The following TRIB3 variants were observed in gnomAD, a reference collection of about 807,000 sequenced individuals.
TRIB3 encodes the protein tribbles pseudokinase 3, also known as tribbles homolog 3.
TRIB3 carries 20 observed loss-of-function variants against 16.6 expected under a neutral mutation model. The observed-to-expected ratio is 1.20, with a 90% confidence interval of 0.85 to 1.75. The LOEUF is 1.75. Ranked by LOEUF, TRIB3 falls within the 40% of genes most tolerant of loss-of-function variation. The pLI is 0.00. For missense variants in TRIB3, 484 were observed against 488.9 expected (o/e 0.99, Z 0.10); for synonymous variants, 208 against 217.0 (o/e 0.96, Z 0.36).
intron 2 of TRIB3, 129 bp from the exon 3 acceptor site, chr20:391,158 C>T (rs567302970): frequency 2.7e-4 from 274 of 1,029,440 alleles, no homozygotes; most frequent in African/African-American, 2.1e-3. Context: ...CTGAGTGACT[C>T]GGTCAGTGAA....
In TRIB3 at chr20:396,409, C is replaced by G; in HGVS notation, c.796C>G (p.Pro266Ala). The G allele has an allele frequency of 6.2e-7, 1 of 1,613,220 alleles. No individual in the cohort carries two copies. Among genetic ancestry groups the G allele is most frequent in the Non-Finnish European group, 8.5e-7 (1 of 1,180,038 alleles). The change falls in exon 4 of 4, where the codon CCT (proline) becomes GCT (alanine). Residue 266 changes from proline (P) to alanine (A), a missense_variant. Physicochemically the swap from Pro to Ala is conservative, Grantham distance 27 (BLOSUM62 -1). Coordinates refer to ENST00000217233, the MANE Select transcript of TRIB3 (RefSeq NM_021158.5). ...AGHYPFQDSE[P>A]VLLFGKIRRG... Reference sequence around the variant, plus strand: ...CCACTACCCCTTCCAGGACTCGGAGCCTGTCCTGCTCTTCGGCAAGATCCG... The same window carrying G: ...CCACTACCCCTTCCAGGACTCGGAGGCTGTCCTGCTCTTCGGCAAGATCCG...
intron 2 of TRIB3, 29 bp downstream of exon 2, chr20:388,330 G>C: frequency 6.3e-6 from 10 of 1,576,784 alleles, no homozygotes; most frequent in Non-Finnish European, 8.6e-6. Flanking sequence ...CTGTCCCCCA[G>C]CACCACAGGA....
At chr20:392,851 C>T (rs930203678) in intron 3 of TRIB3, among the ~76,000 whole-genome samples, 2 of 152,058 alleles carry the variant, frequency 1.3e-5, no homozygotes, top group Non-Finnish European at 2.9e-5. Flanking sequence ...AGGTACTGCA[C>T]CCAGCCTAGA....
chr20:391,263 G>A, intron 2 of TRIB3, 24 bp from the exon 3 acceptor site: 1 of 1,605,914 alleles, frequency 6.2e-7, no homozygotes, highest in Non-Finnish European at 8.5e-7. Flanking sequence ...CCCCAGCTGT[G>A]CTAACACCAT....
chr20:393,113 C>G (rs2015025177), intron 3 of TRIB3, among the ~76,000 whole-genome samples: 1 of 95,280 alleles, frequency 1.0e-5, no homozygotes, highest in Non-Finnish European at 2.1e-5. Context: ...TATCCTTTAA[C>G]CAGTGCTCTC....
At chr20:390,907 C>T (rs1328866906) in intron 2 of TRIB3, among the ~76,000 whole-genome samples, 3 of 144,476 alleles carry the variant, frequency 2.1e-5, no homozygotes, top group East Asian at 2.1e-4. Context: ...GGGGCTGAAG[C>T]GGGAGAATCA....
chr20:392,874 T>A (rs901257877), intron 3 of TRIB3, among the ~76,000 whole-genome samples: 1 of 151,636 alleles, frequency 6.6e-6, no homozygotes, highest in African/African-American at 2.4e-5. Flanking sequence ...CTAAGAAAAA[T>A]TTTTAAAAGA....
chr20:391,206 T>A lies in TRIB3; in HGVS notation c.292-81T>A, dbSNP rs1004636432. On this transcript the variant is annotated intron_variant, in intron 2 of 3. Transcript: ENST00000217233. Reference sequence around the variant, plus strand: ...ATGCCTAGCACATGGTAGTGTCTAATAGGTCAGCTGTGACTGTTTGCAATG... The same window carrying A: ...ATGCCTAGCACATGGTAGTGTCTAAAAGGTCAGCTGTGACTGTTTGCAATG... The A allele has an allele frequency of 2.8e-5, 41 of 1,475,206 alleles. No homozygotes were observed. In the African/African-American group the frequency reaches 5.7e-4, roughly 20 times the overall value. 91.4% of individuals were successfully genotyped at this position (1,475,206 alleles called of 1,614,324 possible).
At chr20:395,481 C>T (rs563128778) in intron 3 of TRIB3, among the ~76,000 whole-genome samples, 3 of 151,680 alleles carry the variant, frequency 2.0e-5, no homozygotes, top group South Asian at 4.2e-4. Context: ...TTTTTTTTGC[C>T]CTGCTTACCT....
In TRIB3 at chr20:387,997, C is replaced by T. The variant is rs773413232; in HGVS notation, c.1-14C>T. 3.1e-6 allele frequency: 5 copies of T among 1,606,374 alleles called. No individual in the cohort carries two copies. In the Admixed American group the frequency reaches 5.0e-5, roughly 16 times the overall value. On this transcript the variant is annotated splice_polypyrimidine_tract_variant and intron_variant, in intron 1 of 3. Transcript: ENST00000217233. ...AGCAGTCTCACTTTAGTGCTTTTCT[C>T]TCCTTTTTACCAGATGCGAGCCACC...
intron 2 of TRIB3, among the ~76,000 whole-genome samples, chr20:390,750 C>G (rs747877866): frequency 1.7e-4 from 26 of 152,238 alleles, no homozygotes; most frequent in Non-Finnish European, 2.9e-4. Context: ...ACCTGTAATC[C>G]CAGCCCTTTG....
chr20:384,994 A>C (rs2014759489), intron 1 of TRIB3, among the ~76,000 whole-genome samples: 1 of 152,216 alleles, frequency 6.6e-6, no homozygotes, highest in South Asian at 2.1e-4. Context: ...TGAAAATCTC[A>C]GGTTCTAATC....
At chr20:382,549 G>C (rs143331231) in intron 1 of TRIB3, 2 of 1,535,678 alleles carry the variant, frequency 1.3e-6, no homozygotes, top group Non-Finnish European at 8.7e-7. Flanking sequence ...CCCAAGGATG[G>C]TACTTATGCA....
intron 2 of TRIB3, among the ~76,000 whole-genome samples, chr20:391,014 A>G (rs2122690914): frequency 6.6e-6 from 1 of 151,670 alleles, no homozygotes; most frequent in African/African-American, 2.4e-5. Context: ...AAAAAAAAAA[A>G]AAAAAAAAAA....
chr20:386,274 AC>A (rs569270524), intron 1 of TRIB3, among the ~76,000 whole-genome samples: 168 of 152,278 alleles, frequency 1.1e-3, no homozygotes, highest in African/African-American at 3.7e-3. Flanking sequence ...AAGTGAATGA[AC>A]AAGATCATAT....
At chr20:393,880 A>G (rs2015046272) in intron 3 of TRIB3, among the ~76,000 whole-genome samples, 1 of 152,150 alleles carries the variant, frequency 6.6e-6, no homozygotes, top group Non-Finnish European at 1.5e-5. Context: ...GTAATTGACA[A>G]ATACCTTGGG....
chr20:389,105 G>C (rs185345422), intron 2 of TRIB3, among the ~76,000 whole-genome samples: 5 of 152,312 alleles, frequency 3.3e-5, no homozygotes, highest in African/African-American at 9.6e-5. Context: ...TGTAACAATA[G>C]GTATTCACTG....
Position 391,410 on chromosome 20 carries a change from C to T in TRIB3, c.415C>T (p.Arg139Trp), listed in dbSNP as rs771624931. The stretch of plus-strand genomic sequence containing the variant: ...CCAGCTCCTCTACGCCTTTTTCACT[C>T]GGACCCATGGGGACATGCACAGCCT... ...GTQLLYAFFT[R>W]THGDMHSLVR... The change falls in exon 3 of 4, where the codon CGG becomes TGG. Residue 139 changes from arginine (R) to tryptophan (W), a missense_variant. Coordinates refer to ENST00000217233, the MANE Select transcript of TRIB3 (RefSeq NM_021158.5). 27 of 1,613,752 alleles carry T rather than the reference C, an allele frequency of 1.7e-5. 1 individual carries two copies. In the South Asian group the frequency reaches 2.3e-4, roughly 14 times the overall value.
intron 1 of TRIB3, among the ~76,000 whole-genome samples, chr20:385,066 G>A (rs62191442): frequency 2.6e-5 from 4 of 152,152 alleles, no homozygotes; most frequent in Admixed American, 1.3e-4. Context: ...TATGATGCTC[G>A]TAGAGCCCTT....
Sources: gnomAD v4.1 joint callset for allele counts (sites outside exome capture counted in the v4.1 genomes callset) on GRCh38, gnomAD v4.1.1 for gene constraint, MANE v1.5 for transcripts, NCBI Gene and HGNC (gene_info 2026-07-23, HGNC 2026-07-21) for gene names.